RAB40A: variants seen among roughly 807,000 people sequenced by gnomAD.
RAB40A encodes the protein RAB40A, member RAS oncogene family, also known as ras-related protein Rab-40A.
For synonymous variants in RAB40A, 65 were observed against 99.9 expected (o/e 0.65, Z 2.08); for missense variants, 145 against 230.2 (o/e 0.63, Z 2.40).
chrX:103,508,931 G>A (rs1395130364), intron 2 of RAB40A, among the ~76,000 whole-genome samples: 1 of 111,875 alleles, frequency 8.9e-6, no homozygotes, highest in African/African-American at 3.3e-5. Flanking sequence ...CCTGTGCAGG[G>A]TCCTCAGTTC....
intron 2 of RAB40A, among the ~76,000 whole-genome samples, chrX:103,504,710 T>TG (rs1267796009): frequency 9.0e-6 from 1 of 110,690 alleles, no homozygotes; most frequent in African/African-American, 3.3e-5. Flanking sequence ...TTAGTAGAGA[T>TG]GGGGTTTCAC....
downstream of RAB40A, among the ~76,000 whole-genome samples, chrX:103,498,972 A>G (rs2073203286): frequency 2.7e-5 from 3 of 111,717 alleles, no homozygotes; most frequent in South Asian, 1.2e-3. Flanking sequence ...TGTTAACCAA[A>G]ACTGGCCAGC....
chrX:103,502,694 A>G (rs770587175), intron 2 of RAB40A: 93 of 762,271 alleles, frequency 1.2e-4, no homozygotes, highest in Middle Eastern at 1.5e-3. Context: ...ATCTTCTAAA[A>G]GGGGGTGCTC....
At chrX:103,516,548 A>G (rs2073317582) in intron 2 of RAB40A, among the ~76,000 whole-genome samples, 1 of 111,451 alleles carries the variant, frequency 9.0e-6, no homozygotes, top group Non-Finnish European at 1.9e-5. Flanking sequence ...TTTTCAACTT[A>G]CAATGAGTTT....
chrX:103,505,027 C>A (rs2073247710), intron 2 of RAB40A, among the ~76,000 whole-genome samples: 1 of 112,023 alleles, frequency 8.9e-6, no homozygotes, highest in Non-Finnish European at 1.9e-5. Context: ...CCTTACAAGT[C>A]ATTATACCTC....
At chrX:103,513,676 T>C (rs2073302715) in intron 2 of RAB40A, among the ~76,000 whole-genome samples, 1 of 110,523 alleles carries the variant, frequency 9.0e-6, no homozygotes, top group Non-Finnish European at 1.9e-5. Flanking sequence ...CATAGATGTG[T>C]AATAGCATGA....
chrX:103,515,221 C>T (rs1264752408), intron 2 of RAB40A, among the ~76,000 whole-genome samples: 2 of 112,347 alleles, frequency 1.8e-5, no homozygotes, highest in African/African-American at 6.5e-5. Context: ...TTATTCTGTA[C>T]TGCCTCCTTT....
intron 1 of RAB40A, among the ~76,000 whole-genome samples, chrX:103,517,995 TTTAAG>T (rs1466585731): frequency 8.9e-6 from 1 of 112,032 alleles, no homozygotes; most frequent in African/African-American, 3.2e-5. Flanking sequence ...CTCATGGCTA[TTTAAG>T]TTAACTAAAT....
chrX:103,510,359 A>C (rs2073282716), intron 2 of RAB40A, among the ~76,000 whole-genome samples: 1 of 111,947 alleles, frequency 8.9e-6, no homozygotes, highest in Admixed American at 9.5e-5. Context: ...ATGACTCAAT[A>C]CCTAAAAATC....
At position 103,519,367 on chromosome X, in the gene RAB40A, A is replaced by G. The variant is rs1428661237; in HGVS notation, c.-223+3T>C. ...GAAATACTTGGAATTTGATTTGGAA[A>G]ACCTTTCTCCTGTAGCCAGTCCACC... is the stretch of plus-strand genomic sequence containing the variant. On this transcript the variant is annotated splice_donor_region_variant and intron_variant, in intron 1 of 2. Transcript: ENST00000304236. 9.0e-6 allele frequency: 1 copy of G among 111,498 alleles called. No homozygotes were observed. Among genetic ancestry groups the G allele is most frequent in the Non-Finnish European group, 1.9e-5 (1 of 53,046 alleles). The allele number at this position is 111,498 out of a possible 1,213,427, so 9.2% of individuals were successfully genotyped here. A position where few individuals can be genotyped will look rare whatever the true frequency, so the allele number is the denominator to read the frequency against.
intron 2 of RAB40A, among the ~76,000 whole-genome samples, chrX:103,509,488 TTCCCTCCCCTCTCCTCCCCTCTCCC>T (rs1182470477): frequency 4.4e-5 from 2 of 45,804 alleles, no homozygotes; most frequent in Non-Finnish European, 7.9e-5. Flanking sequence ...TCCCCTTTCC[TTCCCTCCCCTCTCCTCCCCTCTCCC>T]TCCCTCCCCT....
rs1198336838 is a variant in RAB40A at position 103,499,542 on chromosome X, C to T, written c.*381G>A. 1 of 252,895 alleles carries T rather than the reference C, an allele frequency of 4.0e-6. No homozygotes were observed. The highest frequency in any genetic ancestry group is 7.1e-6 in the Non-Finnish European group (1 of 140,194). The allele number at this position is 252,895 out of a possible 1,213,427, so 20.8% of individuals were successfully genotyped here. A position where few individuals can be genotyped will look rare whatever the true frequency, so the allele number is the denominator to read the frequency against. On this transcript the variant is annotated 3_prime_UTR_variant, in exon 3 of 3. Coordinates refer to ENST00000304236, the MANE Select transcript of RAB40A (RefSeq NM_080879.3). ...GAATTATCTCACTATCATTGCTTCT[C>T]AAATTTCCTTGAATTTATACTCATC...
In RAB40A at chrX:103,499,434, T is replaced by C. The variant is rs774316344; in HGVS notation, c.*489A>G. ...AGATCTGTTATATACAATCTCTATA[T>C]GCATCTGCAGTGTTTTATAAATTGG... On this transcript the variant is annotated 3_prime_UTR_variant, in exon 3 of 3. Transcript: ENST00000304236. 1 of 177,176 alleles carries C rather than the reference T, an allele frequency of 5.6e-6. No individual in the cohort carries two copies. The highest frequency in any genetic ancestry group is 1.3e-4 in the South Asian group (1 of 7,825). The allele number at this position is 177,176 out of a possible 1,213,427, so 14.6% of individuals were successfully genotyped here.
At chrX:103,505,691 T>C (rs1477827960) in intron 2 of RAB40A, among the ~76,000 whole-genome samples, 1 of 111,942 alleles carries the variant, frequency 8.9e-6, no homozygotes, top group Non-Finnish European at 1.9e-5. Flanking sequence ...TCACTGTATA[T>C]ATAAAATCTT....
chrX:103,505,510 TG>T lies in RAB40A; in HGVS notation c.-70-4685del, dbSNP rs540470659. Among the ~76,000 whole-genome samples the T allele has an allele frequency of 2.7e-5, 3 of 112,099 alleles. No individual in the cohort carries two copies. In the South Asian group the frequency reaches 1.1e-3, roughly 42 times the overall value. The stretch of plus-strand genomic sequence containing the variant: ...GCCCCTTACTCTTTTTTTTAGTCCA[TG>T]GGGTTACTGTAGTATCTCATGACAA... On this transcript the variant is annotated intron_variant, in intron 2 of 2. Coordinates refer to ENST00000304236, the MANE Select transcript of RAB40A (RefSeq NM_080879.3).
At chrX:103,507,093 T>C (rs2073259479) in intron 2 of RAB40A, among the ~76,000 whole-genome samples, 2 of 101,511 alleles carry the variant, frequency 2.0e-5, no homozygotes, top group Admixed American at 1.1e-4. Flanking sequence ...TGTCCATGTG[T>C]TCTCAGTGTT....
chrX:103,498,302 G>A (rs143490926), downstream of RAB40A, among the ~76,000 whole-genome samples: 2,040 of 112,149 alleles, frequency 0.018, 16 homozygotes, highest in Middle Eastern at 0.037. Flanking sequence ...CGTTTCTAAA[G>A]CAATGGCCCA....
chrX:103,506,925 T>C (rs1296856213), intron 2 of RAB40A, among the ~76,000 whole-genome samples: 1 of 112,215 alleles, frequency 8.9e-6, no homozygotes, highest in Non-Finnish European at 1.9e-5. Context: ...TAATTTTATT[T>C]CTTCTAAAAA....
intron 2 of RAB40A, among the ~76,000 whole-genome samples, chrX:103,511,301 A>G (rs1460630279): frequency 1.8e-5 from 2 of 110,347 alleles, no homozygotes; most frequent in East Asian, 5.7e-4. Flanking sequence ...GATTGAGACC[A>G]TCTTGGCTAA....
Sources: allele counts gnomAD v4.1 joint callset (sites outside exome capture counted in the v4.1 genomes callset), GRCh38; gene constraint gnomAD v4.1.1; transcripts MANE v1.5; gene names NCBI Gene and HGNC (gene_info 2026-07-23, HGNC 2026-07-21).